ERG: variants seen among roughly 807,000 people sequenced by gnomAD.
ERG encodes transcriptional regulator ERG.
In ERG, 9 loss-of-function variants were observed where a neutral mutation model predicts 55.3. That is an observed-to-expected ratio of 0.16 (90% CI 0.10 to 0.28). ERG has a LOEUF of 0.28. Among genes scored for constraint, ERG ranks in the 10% least tolerant of loss-of-function variants. The pLI, the probability that ERG is intolerant of heterozygous loss-of-function variation, is 1.00. For missense variants in ERG, 434 were observed against 631.6 expected (o/e 0.69, Z 3.35); for synonymous variants, 223 against 237.3 (o/e 0.94, Z 0.55).
intron 2 of ERG, among the ~76,000 whole-genome samples, chr21:38,567,530 A>C (rs2059930542): frequency 6.6e-6 from 1 of 152,312 alleles, no homozygotes; most frequent in South Asian, 2.1e-4. Context: ...TTGAGAAAAA[A>C]TAGGCAGCAT....
At chr21:38,560,578 G>C (rs1163364314) in intron 2 of ERG, among the ~76,000 whole-genome samples, 1 of 152,202 alleles carries the variant, frequency 6.6e-6, no homozygotes, top group East Asian at 1.9e-4. Flanking sequence ...CACAGGCACA[G>C]CCCCCTTCCC....
intron 1 of ERG, among the ~76,000 whole-genome samples, chr21:38,583,275 A>C (rs2060041326): frequency 6.6e-6 from 1 of 152,244 alleles, no homozygotes; most frequent in African/African-American, 2.4e-5. Flanking sequence ...TGGGGCAGGA[A>C]GAAGGAGGCA....
At chr21:38,614,059 G>A (rs2060244704) in intron 1 of ERG, among the ~76,000 whole-genome samples, 2 of 149,970 alleles carry the variant, frequency 1.3e-5, no homozygotes, top group Non-Finnish European at 2.9e-5. Context: ...GGGAAGCCAA[G>A]GTTCAGCAAA....
At chr21:38,567,921 C>T (rs1054270226) in intron 2 of ERG, among the ~76,000 whole-genome samples, 1 of 152,208 alleles carries the variant, frequency 6.6e-6, no homozygotes, top group African/African-American at 2.4e-5. Flanking sequence ...ACTTCTGAAA[C>T]TGTTTTAGAC....
chr21:38,604,268 A>G (rs935348187), intron 1 of ERG, among the ~76,000 whole-genome samples: 1 of 150,946 alleles, frequency 6.6e-6, no homozygotes, highest in Non-Finnish European at 1.5e-5. Flanking sequence ...AAAAAAAAAA[A>G]AGTACTAGTT....
intron 2 of ERG, among the ~76,000 whole-genome samples, chr21:38,573,734 G>T (rs200931724): frequency 6.6e-6 from 1 of 152,148 alleles, no homozygotes; most frequent in Non-Finnish European, 1.5e-5. Context: ...GGCCGGTGCC[G>T]GTGCAGGTCC....
intron 1 of ERG, among the ~76,000 whole-genome samples, chr21:38,619,359 C>G (rs1264318074): frequency 6.6e-6 from 1 of 151,984 alleles, no homozygotes; most frequent in Admixed American, 6.6e-5. Context: ...TCCTCTTGCT[C>G]CCTCCCCTCA....
chr21:38,424,198 CT>C (rs1989707887), intron 2 of ERG, among the ~76,000 whole-genome samples: 1 of 142,306 alleles, frequency 7.0e-6, no homozygotes. Context: ...CTCTCTCTCT[CT>C]CTCTCTCTCT....
chr21:38,569,522 G>A (rs2059944249), intron 2 of ERG, among the ~76,000 whole-genome samples: 1 of 152,210 alleles, frequency 6.6e-6, no homozygotes, highest in Non-Finnish European at 1.5e-5. Context: ...TTCACTATGA[G>A]CCACCTAATT....
chr21:38,506,807 GC>G lies in ERG; in HGVS notation c.-41+68854del, dbSNP rs1331498487. Among the ~76,000 whole-genome samples the G allele has an allele frequency of 2.6e-5, 4 of 152,180 alleles. No homozygotes were observed. In the South Asian group the frequency reaches 8.3e-4, roughly 32 times the overall value. On this transcript the variant is annotated intron_variant, in intron 2 of 8. Coordinates refer to the ERG transcript ENST00000398897. ...TCGGGCGGGGCTGGGTGTGGGTAAG[GC>G]TCTGACCGACATCTGAAGAGGCTTC...
At chr21:38,641,621 C>T (rs2060425542) in intron 1 of ERG, among the ~76,000 whole-genome samples, 2 of 152,078 alleles carry the variant, frequency 1.3e-5, no homozygotes, top group South Asian at 4.1e-4. Context: ...CAATGTCAAA[C>T]AGATCAACAT....
At chr21:38,545,666 C>A (rs1364041110) in intron 2 of ERG, among the ~76,000 whole-genome samples, 1 of 152,230 alleles carries the variant, frequency 6.6e-6, no homozygotes, top group Non-Finnish European at 1.5e-5. Flanking sequence ...TTCTCAGACA[C>A]AACGATAAAC....
At chr21:38,516,370 A>T in intron 2 of ERG, among the ~76,000 whole-genome samples, 1 of 151,942 alleles carries the variant, frequency 6.6e-6, no homozygotes, top group South Asian at 2.1e-4. Context: ...CATTTACAAT[A>T]GGTATAAGGA....
At chr21:38,464,897 T>C (rs1311840282) in intron 1 of ERG, among the ~76,000 whole-genome samples, 3 of 152,206 alleles carry the variant, frequency 2.0e-5, no homozygotes, top group Non-Finnish European at 4.4e-5. Context: ...CATGAACTCA[T>C]CCTTTTTTAT....
intron 1 of ERG, among the ~76,000 whole-genome samples, chr21:38,601,375 T>A (rs538318218): frequency 2.0e-5 from 3 of 152,124 alleles, no homozygotes; most frequent in African/African-American, 7.2e-5. Context: ...TGTGGTGAGT[T>A]AACTTTGAAG....
intron 1 of ERG, among the ~76,000 whole-genome samples, chr21:38,466,204 G>A (rs934343471): frequency 1.3e-5 from 2 of 151,906 alleles, no homozygotes; most frequent in Non-Finnish European, 2.9e-5. Flanking sequence ...CCATGTATCA[G>A]CATTCTTGTA....
chr21:38,398,642 C>T (rs541139434), intron 6 of ERG, among the ~76,000 whole-genome samples: 6 of 152,270 alleles, frequency 3.9e-5, no homozygotes, highest in African/African-American at 1.4e-4. Flanking sequence ...TCCCAACCAA[C>T]ATCCTCACAG....
intron 2 of ERG, among the ~76,000 whole-genome samples, chr21:38,507,128 A>G (rs916947693): frequency 1.3e-5 from 2 of 152,150 alleles, no homozygotes; most frequent in African/African-American, 4.8e-5. Context: ...GCCAGCATGC[A>G]CAATACGAAT....
chr21:38,644,542 C>T lies in ERG; in HGVS notation c.-150+17116G>A, dbSNP rs189846871. Among the ~76,000 whole-genome samples the T allele has an allele frequency of 3.9e-5, 6 of 152,218 alleles. No homozygotes were observed. The East Asian group carries it at 1.2e-3, about 29-fold the overall frequency. ...CAACGTATAACACAGTCTTTTTCTA[C>T]CTAGAGAATTAGCAAAGGGTGAAAT... On this transcript the variant is annotated intron_variant, in intron 1 of 10. Transcript: ENST00000398910.
Sources: allele counts gnomAD v4.1 joint callset (sites outside exome capture counted in the v4.1 genomes callset), GRCh38; gene constraint gnomAD v4.1.1; transcripts MANE v1.5; gene names NCBI Gene and HGNC (gene_info 2026-07-23, HGNC 2026-07-21).